The following SEMA5A variants were observed in gnomAD, a reference collection of about 807,000 sequenced individuals.
SEMA5A encodes the protein semaphorin-5A.
A neutral mutation model predicts 135.5 loss-of-function variants in SEMA5A; 55 were observed. The ratio of observed to expected loss-of-function variants is 0.41; its 90% CI spans 0.33 to 0.51. The LOEUF is 0.51. Ranked by LOEUF, SEMA5A falls within the 20% of genes least tolerant of loss-of-function variation. The pLI is 0.37. For synonymous variants in SEMA5A, 580 were observed against 546.5 expected (o/e 1.06, Z -0.85); for missense variants, 1,290 against 1,419.9 (o/e 0.91, Z 1.47).
chr5:9,178,493 G>T (rs558512175), intron 11 of SEMA5A, among the ~76,000 whole-genome samples: 1 of 151,698 alleles, frequency 6.6e-6, no homozygotes, highest in East Asian at 1.9e-4. Context: ...CCCCACACCC[G>T]GCTACTTTTT....
chr5:9,379,590 ATT>A (rs1214813080), intron 3 of SEMA5A, among the ~76,000 whole-genome samples: 2 of 152,140 alleles, frequency 1.3e-5, no homozygotes, highest in Admixed American at 6.5e-5. Context: ...AAATAATGAG[ATT>A]TTTTTACCTT....
chr5:9,479,754 C>T (rs139410073), intron 1 of SEMA5A, among the ~76,000 whole-genome samples: 202 of 152,324 alleles, frequency 1.3e-3, no homozygotes, highest in African/African-American at 4.6e-3. Context: ...ATCATGTATA[C>T]AACCTGTTCG....
intron 16 of SEMA5A, among the ~76,000 whole-genome samples, chr5:9,066,891 A>T (rs1291681321): frequency 6.6e-6 from 1 of 152,214 alleles, no homozygotes; most frequent in Admixed American, 6.5e-5. Context: ...GAATGAGACA[A>T]CAAACTTAAT....
At chr5:9,466,148 T>C (rs556784161) in intron 1 of SEMA5A, among the ~76,000 whole-genome samples, 47 of 151,928 alleles carry the variant, frequency 3.1e-4, no homozygotes, top group African/African-American at 1.1e-3. Context: ...GGTACCAATG[T>C]GGAGATCACT....
intron 11 of SEMA5A, among the ~76,000 whole-genome samples, chr5:9,188,151 G>A (rs1417355212): frequency 6.6e-6 from 1 of 152,134 alleles, no homozygotes; most frequent in African/African-American, 2.4e-5. Flanking sequence ...GTCCTTATAA[G>A]AAGAGACATA....
chr5:9,050,557 G>A, intron 20 of SEMA5A, 100 bp from the exon 21 acceptor site: 1 of 974,136 alleles, frequency 1.0e-6, no homozygotes, highest in Non-Finnish European at 1.5e-6. Context: ...TGAATGTTAT[G>A]TGACACAAAG....
chr5:9,321,090 C>T (rs1752609832), intron 4 of SEMA5A, among the ~76,000 whole-genome samples: 1 of 152,078 alleles, frequency 6.6e-6, no homozygotes, highest in Non-Finnish European at 1.5e-5. Context: ...CTGAGTGAGT[C>T]TCATGAGATC....
chr5:9,168,883 T>A (rs959718040), intron 11 of SEMA5A, among the ~76,000 whole-genome samples: 1 of 152,212 alleles, frequency 6.6e-6, no homozygotes, highest in Non-Finnish European at 1.5e-5. Flanking sequence ...ATTCATATAT[T>A]AATCTCATTC....
At chr5:9,131,464 C>T (rs537346478) in intron 13 of SEMA5A, among the ~76,000 whole-genome samples, 3 of 151,772 alleles carry the variant, frequency 2.0e-5, no homozygotes, top group East Asian at 3.9e-4. Context: ...AAAAATTACC[C>T]GGGTGTGGTG....
chr5:9,224,587 TAG>T, intron 8 of SEMA5A, 85 bp downstream of exon 8: 1 of 1,134,688 alleles, frequency 8.8e-7, no homozygotes, highest in South Asian at 1.3e-5. Flanking sequence ...CATTTTTATT[TAG>T]AGTGTTGTAG....
At chr5:9,469,851 C>T (rs192707840) in intron 1 of SEMA5A, among the ~76,000 whole-genome samples, 1 of 152,310 alleles carries the variant, frequency 6.6e-6, no homozygotes, top group East Asian at 1.9e-4. Context: ...AGTACTTTTA[C>T]TTAAATCTTG....
Position 9,434,652 on chromosome 5 carries a change from T to A in SEMA5A, c.-78+3104A>T, listed in dbSNP as rs534067110. Among the ~76,000 whole-genome samples, 9 of 152,274 alleles carry A rather than the reference T, an allele frequency of 5.9e-5. No homozygotes were observed. The South Asian group carries it at 1.9e-3, about 32-fold the overall frequency. On this transcript the variant is annotated intron_variant, in intron 2 of 22. Coordinates refer to ENST00000382496, the MANE Select transcript of SEMA5A (RefSeq NM_003966.3). Reference sequence around the variant, plus strand: ...GAGGAATGGGATTATATTAAATATATTATTCTGCAATTTGCTTTCTCAGTT... The same window carrying A: ...GAGGAATGGGATTATATTAAATATAATATTCTGCAATTTGCTTTCTCAGTT...
At chr5:9,405,422 A>G (rs1329142194) in intron 2 of SEMA5A, among the ~76,000 whole-genome samples, 2 of 152,166 alleles carry the variant, frequency 1.3e-5, no homozygotes, top group Admixed American at 6.5e-5. Flanking sequence ...CCAGGACAAC[A>G]TTTCTTCTGA....
intron 16 of SEMA5A, among the ~76,000 whole-genome samples, chr5:9,092,290 G>T (rs1291326786): frequency 1.3e-5 from 2 of 152,212 alleles, no homozygotes; most frequent in South Asian, 2.1e-4. Context: ...CCCCAAAAGG[G>T]CTCAAGGCCA....
intron 5 of SEMA5A, among the ~76,000 whole-genome samples, chr5:9,267,465 T>A (rs1166864106): frequency 6.6e-6 from 1 of 152,196 alleles, no homozygotes; most frequent in African/African-American, 2.4e-5. Context: ...TTGTACTCTT[T>A]AGTTCTGGGT....
chr5:9,197,049 A>G lies in SEMA5A; in HGVS notation c.1068+119T>C, dbSNP rs116052121. The G allele has an allele frequency of 7.2e-6, 10 of 1,383,034 alleles. No individual in the cohort carries two copies. In the Admixed American group the frequency reaches 1.7e-4, roughly 24 times the overall value. 85.7% of individuals were successfully genotyped at this position (1,383,034 alleles called of 1,614,324 possible). On this transcript the variant is annotated intron_variant, in intron 10 of 22. Coordinates refer to ENST00000382496, the MANE Select transcript of SEMA5A (RefSeq NM_003966.3). ...AGTATGGGGCTGTCCATGAGGGGCCAGGGAGACAGCTGCATGGTGCATGCA... is the reference window on the plus strand; with the variant it reads ...AGTATGGGGCTGTCCATGAGGGGCCGGGGAGACAGCTGCATGGTGCATGCA...
At chr5:9,069,795 TC>T (rs1434586123) in intron 16 of SEMA5A, among the ~76,000 whole-genome samples, 1 of 152,170 alleles carries the variant, frequency 6.6e-6, no homozygotes, top group Non-Finnish European at 1.5e-5. Context: ...TATTATGGCA[TC>T]TTTTGAATGC....
At chr5:9,111,133 A>G (rs1402795831) in intron 15 of SEMA5A, among the ~76,000 whole-genome samples, 6 of 152,234 alleles carry the variant, frequency 3.9e-5, no homozygotes, top group Non-Finnish European at 7.3e-5. Context: ...CAGAACTCTC[A>G]GCATTTAGTT....
At chr5:9,249,504 G>A (rs576538271) in intron 5 of SEMA5A, among the ~76,000 whole-genome samples, 11 of 152,278 alleles carry the variant, frequency 7.2e-5, no homozygotes, top group South Asian at 2.1e-4. Context: ...GGTATCTCCC[G>A]TGTGTGTAAG....
Sources: gnomAD v4.1 joint callset for allele counts (sites outside exome capture counted in the v4.1 genomes callset) on GRCh38, gnomAD v4.1.1 for gene constraint, MANE v1.5 for transcripts, NCBI Gene and HGNC (gene_info 2026-07-23, HGNC 2026-07-21) for gene names.